HEATR1: variants seen among roughly 807,000 people sequenced by gnomAD.
The protein encoded by HEATR1 is HEAT repeat-containing protein 1.
In HEATR1, 77 loss-of-function variants were observed where a neutral mutation model predicts 248.2. That is an observed-to-expected ratio of 0.31 (90% CI 0.26 to 0.37). The LOEUF (loss-of-function observed/expected upper bound fraction) is 0.37, where lower values mean the gene tolerates loss of function less well. Among genes scored for constraint, HEATR1 ranks in the 10% least tolerant of loss-of-function variants. The pLI is 1.00. For synonymous variants in HEATR1, 897 were observed against 923.1 expected (o/e 0.97, Z 0.51); for missense variants, 2,420 against 2,504.9 (o/e 0.97, Z 0.72).
Position 236,564,615 on chromosome 1 carries a change from T to C in HEATR1, c.4482A>G (p.Glu1494=), listed in dbSNP as rs147821259. The C allele has an allele frequency of 1.2e-6, 2 of 1,613,568 alleles. No homozygotes were observed. The highest frequency in any genetic ancestry group is 3.3e-5 in the Admixed American group (2 of 59,992). Residue 1494 remains glutamate, a synonymous_variant, in exon 32 of 45, where the codon GAA becomes GAG. Coordinates refer to ENST00000366582, the MANE Select transcript of HEATR1 (RefSeq NM_018072.6). The stretch of plus-strand genomic sequence containing the variant: ...CTACATTAAAAACCTGTAGCATTTC[T>C]TCTTGTGATTCACTCTTATTAAATG... The part of the protein sequence containing the change: ...AVSFNKSESQ[E]EMLQVFNVET...
chr1:236,587,571 G>T (rs1663928748), intron 13 of HEATR1, 81 bp from the exon 14 acceptor site: 3 of 553,480 alleles, frequency 5.4e-6, no homozygotes, highest in African/African-American at 1.9e-5. Flanking sequence ...ATTTTAAAAA[G>T]AATGAATTAT....
At chr1:236,578,212 GAATGAGGTTGGAGTC>G (rs1315920712) in intron 20 of HEATR1, among the ~76,000 whole-genome samples, 1 of 152,136 alleles carries the variant, frequency 6.6e-6, no homozygotes, top group African/African-American at 2.4e-5. Context: ...TCTATCTAAG[GAATGAGGTTGGAGTC>G]AAACTTCCTA....
chr1:236,599,401 A>T, intron 4 of HEATR1, 82 bp downstream of exon 4: 1 of 1,170,666 alleles, frequency 8.5e-7, no homozygotes, highest in Non-Finnish European at 1.2e-6. Context: ...TATCCCCAGG[A>T]GCAATGACTT....
chr1:236,592,247 T>TA (rs1243917552), intron 10 of HEATR1, 137 bp from the exon 11 acceptor site: 5 of 573,904 alleles, frequency 8.7e-6, no homozygotes, highest in African/African-American at 7.5e-5. Context: ...ATGTTGTAGG[T>TA]AAAACCAAAT....
chr1:236,590,790 A>C, intron 12 of HEATR1, 57 bp downstream of exon 12: 1 of 851,806 alleles, frequency 1.2e-6, no homozygotes, highest in South Asian at 3.0e-5. Context: ...CTTATTCAGA[A>C]TTACACTGCT....
intron 15 of HEATR1, 144 bp downstream of exon 15, chr1:236,586,094 CCTT>C: frequency 1.6e-6 from 2 of 1,244,426 alleles, no homozygotes; most frequent in Non-Finnish European, 2.2e-6. Flanking sequence ...GAATTGGCTT[CCTT>C]TTCACTGTAT....
rs653737 is a variant in HEATR1 at position 236,566,656 on chromosome 1, T to C, written c.4298A>G (p.Tyr1433Cys). The C allele has an allele frequency of 0.15, 249,222 of 1,612,022 alleles. 21,033 individuals are homozygous for C. Among genetic ancestry groups the C allele is most frequent in the Middle Eastern group, 0.23 (1,384 of 6,054 alleles). Residue 1433 changes from tyrosine (Y) to cysteine (C), a missense_variant, in exon 30 of 45, where the codon TAT (tyrosine) becomes TGT (cysteine). Physicochemically the swap from Tyr to Cys is radical, Grantham distance 194. Transcript: ENST00000366582. Reference protein sequence around the residue: ...YVTKTVLAAAYGEKDAILEAD... With the variant: ...YVTKTVLAAACGEKDAILEAD... ...ACCCTAGGTTCTGACCTTTTCGCCA[T>C]AGGCAGCCGCCAGCACTGTTTTTGT...
In HEATR1 at chr1:236,555,799, G is replaced by A. The variant is rs373922009; in HGVS notation, c.5649+6C>T. The A allele has an allele frequency of 6.2e-7, 1 of 1,613,980 alleles. No homozygotes were observed. Among genetic ancestry groups the A allele is most frequent in the African/African-American group, 1.3e-5 (1 of 74,924 alleles). On this transcript the variant is annotated splice_donor_region_variant and intron_variant, in intron 39 of 44. Coordinates refer to ENST00000366582, the MANE Select transcript of HEATR1 (RefSeq NM_018072.6). Reference sequence around the variant, plus strand: ...TTAGGATTTGGAGGAGTGAACCTGAGCTTACCTCAGAGTGCTGGGCTCGGA... The same window carrying A: ...TTAGGATTTGGAGGAGTGAACCTGAACTTACCTCAGAGTGCTGGGCTCGGA...
Position 236,555,581 on chromosome 1 carries a change from G to A in HEATR1, c.5724C>T (p.Ser1908=), listed in dbSNP as rs552189093. ...DCLVAMVVKL[S]EVTFRPLFFK... ...AGAACAGGGGCCTGAATGTGACCTC[G>A]GAAAGTTTGACAACCATGGCTACTA... Residue 1908 remains serine (S), a synonymous_variant, in exon 40 of 45, where the codon TCC becomes TCT. Transcript: ENST00000366582. The A allele has an allele frequency of 1.4e-4, 233 of 1,614,176 alleles. 3 individuals are homozygous for A. In the South Asian group the frequency reaches 2.0e-3, roughly 14 times the overall value.
rs1259126785 is a variant in HEATR1 at position 236,561,330 on chromosome 1, C to CA, written c.4600-60dup. ...GGGAAGTCAATAATAAAAGTCATTT[C>CA]AAGTCAGTTCAATGAAACTCGGACC... On this transcript the variant is annotated intron_variant, in intron 32 of 44. Coordinates refer to ENST00000366582, the MANE Select transcript of HEATR1 (RefSeq NM_018072.6). 2.3e-6 allele frequency: 3 copies of CA among 1,331,170 alleles called. No homozygotes were observed. In the African/African-American group the frequency reaches 4.4e-5, roughly 20 times the overall value. The allele number at this position is 1,331,170 out of a possible 1,614,324, so 82.5% of individuals were successfully genotyped here. A position where few individuals can be genotyped will look rare whatever the true frequency, so the allele number is the denominator to read the frequency against.
At position 236,559,060 on chromosome 1, in the gene HEATR1, G is replaced by A. The variant is rs372362755; in HGVS notation, c.4846C>T (p.Arg1616Cys). ...TTCAAAAGGTCCAGCGCTTTGCGGC[G>A]AACAGATGGCAGGGGATTGCCCACC... is the stretch of plus-strand genomic sequence containing the variant. ...GLVGNPLPSVRRKALDLLNNK... is the reference protein window; with the variant it reads ...GLVGNPLPSVCRKALDLLNNK... Residue 1616 changes from arginine to cysteine, a missense_variant, in exon 35 of 45, where the codon CGC (arginine) becomes TGC (cysteine). Coordinates refer to ENST00000366582, the MANE Select transcript of HEATR1 (RefSeq NM_018072.6). The A allele has an allele frequency of 1.1e-5, 18 of 1,612,734 alleles. No homozygotes were observed. In the Middle Eastern group the frequency reaches 8.2e-4, roughly 74 times the overall value.
At chr1:236,560,249 T>G (rs538413968) in intron 33 of HEATR1, among the ~76,000 whole-genome samples, 1 of 151,698 alleles carries the variant, frequency 6.6e-6, no homozygotes, top group East Asian at 1.9e-4. Context: ...CACATACACA[T>G]GCACACACAC....
At chr1:236,570,104 C>T (rs61831368) in intron 28 of HEATR1, among the ~76,000 whole-genome samples, 14,663 of 151,962 alleles carry the variant, frequency 0.096, 981 homozygotes, top group East Asian at 0.31. Context: ...CTGGCTAACA[C>T]GGTGAAACCC....
At chr1:236,602,560 C>G (rs1371420156) in intron 3 of HEATR1, among the ~76,000 whole-genome samples, 11 of 152,176 alleles carry the variant, frequency 7.2e-5, no homozygotes, top group Admixed American at 7.2e-4. Flanking sequence ...GCCAAGAAAG[C>G]AGCTTAGTAC....
At chr1:236,588,675 A>G (rs1191636018) in intron 12 of HEATR1, among the ~76,000 whole-genome samples, 3 of 152,250 alleles carry the variant, frequency 2.0e-5, no homozygotes, top group African/African-American at 7.2e-5. Flanking sequence ...AAAGAAAACA[A>G]TGTATATTCA....
At chr1:236,588,281 G>T (rs945532246) in intron 12 of HEATR1, among the ~76,000 whole-genome samples, 18 of 152,152 alleles carry the variant, frequency 1.2e-4, no homozygotes, top group Admixed American at 1.0e-3. Context: ...AGTAAATATG[G>T]TATACTCCAA....
At chr1:236,585,246 T>C in intron 16 of HEATR1, 30 bp from the exon 17 acceptor site, 1 of 1,554,028 alleles carries the variant, frequency 6.4e-7, no homozygotes, top group South Asian at 1.2e-5. Flanking sequence ...CTATTACCAG[T>C]TGCTCTTGAT....
Position 236,585,083 on chromosome 1 carries a change from C to T in HEATR1, c.2183G>A (p.Arg728Lys). The change falls in exon 17 of 45, where the codon AGA (arginine) becomes AAA (lysine). Residue 728 changes from arginine (R) to lysine (K), a missense_variant. Physicochemically the swap from Arg to Lys is conservative, Grantham distance 26. Transcript: ENST00000366582. ...LKETHFPFAI[R>K]VFSLLQKKIK... ...TTTTTTCTGCAACAAACTGAAGACT[C>T]TTATCGCAAATGGAAAGTGGGTTTC... is the stretch of plus-strand genomic sequence containing the variant. 6.2e-7 allele frequency: 1 copy of T among 1,613,978 alleles called. No individual in the cohort carries two copies. Among genetic ancestry groups the T allele is most frequent in the Non-Finnish European group, 8.5e-7 (1 of 1,179,918 alleles).
At chr1:236,566,143 A>G (rs1663262214) in intron 30 of HEATR1, 98 bp from the exon 31 acceptor site, 3 of 1,186,674 alleles carry the variant, frequency 2.5e-6, no homozygotes, top group South Asian at 1.6e-5. Context: ...AGAACAGAGT[A>G]TACTACTTTA....
Sources: allele counts gnomAD v4.1 joint callset (sites outside exome capture counted in the v4.1 genomes callset), GRCh38; gene constraint gnomAD v4.1.1; transcripts MANE v1.5; gene names NCBI Gene and HGNC (gene_info 2026-07-23, HGNC 2026-07-21).